Variants in SEZ6L observed in about 807,000 individuals in gnomAD.
SEZ6L encodes the protein seizure related 6 homolog like, also known as seizure 6-like protein.
A neutral mutation model predicts 106.2 loss-of-function variants in SEZ6L; 37 were observed. That is an observed-to-expected ratio of 0.35 (90% CI 0.27 to 0.46). SEZ6L has a LOEUF of 0.46. Ranked by LOEUF, SEZ6L falls within the 20% of genes least tolerant of loss-of-function variation. The pLI is 1.00. For synonymous variants in SEZ6L, 541 were observed against 570.4 expected, an observed-to-expected ratio of 0.95 and a Z score of 0.73; for missense variants, 1,172 against 1,332.8, an observed-to-expected ratio of 0.88 and a Z score of 1.88.
intron 1 of SEZ6L, among the ~76,000 whole-genome samples, chr22:26,249,105 C>T (rs1343250997): frequency 1.3e-5 from 2 of 152,136 alleles, no homozygotes; most frequent in African/African-American, 2.4e-5. Context: ...AATACGTGTA[C>T]ACAAATGATC....
chr22:26,378,828 T>G (rs1244947766), intron 16 of SEZ6L, among the ~76,000 whole-genome samples: 1 of 152,208 alleles, frequency 6.6e-6, no homozygotes, highest in African/African-American at 2.4e-5. Context: ...GGAATAAACC[T>G]GACTTGTTTC....
chr22:26,349,822 T>C (rs1310208387), intron 11 of SEZ6L, among the ~76,000 whole-genome samples: 1 of 152,252 alleles, frequency 6.6e-6, no homozygotes, highest in Admixed American at 6.5e-5. Flanking sequence ...CTGCTTTTTT[T>C]TCAGCTCAGA....
At chr22:26,369,489 C>A (rs551102945) in intron 13 of SEZ6L, among the ~76,000 whole-genome samples, 1 of 151,374 alleles carries the variant, frequency 6.6e-6, no homozygotes, top group Non-Finnish European at 1.5e-5. Context: ...TACAGGCGCC[C>A]GCCACCACAC....
chr22:26,313,161 G>T (rs1171798275), intron 8 of SEZ6L, among the ~76,000 whole-genome samples: 1 of 152,208 alleles, frequency 6.6e-6, no homozygotes, highest in Non-Finnish European at 1.5e-5. Flanking sequence ...TCCAGTTCAG[G>T]GCCGGGACCT....
At chr22:26,220,892 A>AATGGATGG (rs56187164) in intron 1 of SEZ6L, among the ~76,000 whole-genome samples, 7,867 of 149,332 alleles carry the variant, frequency 0.053, 303 homozygotes, top group East Asian at 0.15. Flanking sequence ...ATACTGTATG[A>AATGGATGG]ATGGATGGAT....
rs1467959376 is a variant in SEZ6L at position 26,351,125 on chromosome 22, G to T, written c.2481G>T (p.Gly827=). Residue 827 remains glycine, a synonymous_variant, in exon 12 of 17, where the codon GGG becomes GGT. Transcript: ENST00000248933. Reference sequence around the variant, plus strand: ...TTTCGGATCCTGTGCTGCTGGTGGGGACCACCATCCAATACACCTGCAACC... The same window carrying T: ...TTTCGGATCCTGTGCTGCTGGTGGGTACCACCATCCAATACACCTGCAACC... The part of the protein sequence containing the change: ...RLISDPVLLV[G]TTIQYTCNPG... 4 of 1,614,166 alleles carry T rather than the reference G, an allele frequency of 2.5e-6. No individual in the cohort carries two copies. Among genetic ancestry groups the T allele is most frequent in the Non-Finnish European group, 3.4e-6 (4 of 1,180,018 alleles).
chr22:26,341,787 A>G (rs1013771657), intron 10 of SEZ6L, among the ~76,000 whole-genome samples: 1 of 151,952 alleles, frequency 6.6e-6, no homozygotes, highest in Non-Finnish European at 1.5e-5. Context: ...CCCATATCCA[A>G]TCCATCCTCT....
At chr22:26,348,021 C>T in intron 11 of SEZ6L, 108 bp downstream of exon 11, 1 of 811,516 alleles carries the variant, frequency 1.2e-6, no homozygotes, top group Admixed American at 3.4e-5. Context: ...ATCTGGACTC[C>T]CCCTCCACCA....
intron 1 of SEZ6L, among the ~76,000 whole-genome samples, chr22:26,257,315 C>T (rs2145809185): frequency 6.6e-6 from 1 of 152,248 alleles, no homozygotes; most frequent in East Asian, 1.9e-4. Flanking sequence ...TTCCTATAAG[C>T]TTATAGATGA....
intron 1 of SEZ6L, among the ~76,000 whole-genome samples, chr22:26,200,365 A>G (rs554418716): frequency 4.6e-5 from 7 of 152,272 alleles, no homozygotes; most frequent in African/African-American, 1.7e-4. Flanking sequence ...CTGACTATGC[A>G]CCAGGCTTGG....
chr22:26,371,788 C>T (rs1376335535), intron 13 of SEZ6L, among the ~76,000 whole-genome samples: 1 of 152,210 alleles, frequency 6.6e-6, no homozygotes, highest in African/African-American at 2.4e-5. Context: ...TCACTGCCTT[C>T]TCCCACAACT....
chr22:26,237,465 C>T (rs1161480972), intron 1 of SEZ6L, among the ~76,000 whole-genome samples: 2 of 152,230 alleles, frequency 1.3e-5, no homozygotes, highest in Non-Finnish European at 2.9e-5. Flanking sequence ...TATTTCACCT[C>T]TCTGTGCCTC....
At chr22:26,347,600 C>T (rs2083050995) in intron 10 of SEZ6L, 119 bp from the exon 11 acceptor site, 1 of 746,200 alleles carries the variant, frequency 1.3e-6, no homozygotes, top group Non-Finnish European at 2.0e-6. Context: ...ATTTTGGAAG[C>T]GTGTTGCTCA....
intron 15 of SEZ6L, among the ~76,000 whole-genome samples, chr22:26,376,876 T>A (rs992481246): frequency 2.6e-5 from 4 of 152,184 alleles, no homozygotes; most frequent in Non-Finnish European, 5.9e-5. Context: ...GAGCCCACAG[T>A]CTACTGGGGG....
At position 26,311,848 on chromosome 22, in the gene SEZ6L, A is replaced by G. The variant is rs1369116780; in HGVS notation, c.1762A>G (p.Thr588Ala). 1 of 1,614,118 alleles carries G rather than the reference A, an allele frequency of 6.2e-7. No homozygotes were observed. Among genetic ancestry groups the G allele is most frequent in the Non-Finnish European group, 8.5e-7 (1 of 1,180,008 alleles). The change falls in exon 8 of 17, where the codon ACT becomes GCT. Residue 588 changes from threonine to alanine, a missense_variant. By Grantham distance (58) the Thr-to-Ala change is moderately conservative. Coordinates refer to ENST00000248933, the MANE Select transcript of SEZ6L (RefSeq NM_021115.5). The stretch of plus-strand genomic sequence containing the variant: ...ATCCGACCCGACCTATAACATTGGG[A>G]CTATAGTGGAGTTCACCTGCGACCC... ...TTSDPTYNIG[T>A]IVEFTCDPGH...
At chr22:26,310,534 C>CAA (rs35444510) in intron 6 of SEZ6L, 136 bp from the exon 7 acceptor site, 1,076 of 897,258 alleles carry the variant, frequency 1.2e-3, no homozygotes, top group African/African-American at 1.6e-3. Context: ...GAAACTCTGT[C>CAA]AAAAAAAAAG....
chr22:26,279,476 G>C (rs1326733945), intron 1 of SEZ6L, among the ~76,000 whole-genome samples: 1 of 152,082 alleles, frequency 6.6e-6, no homozygotes, highest in African/African-American at 2.4e-5. Context: ...TGCCTTTCCT[G>C]TCTCACTGCC....
At chr22:26,296,616 C>CA (rs1260969127) in intron 3 of SEZ6L, among the ~76,000 whole-genome samples, 3 of 152,234 alleles carry the variant, frequency 2.0e-5, no homozygotes, top group Admixed American at 6.5e-5. Flanking sequence ...GCCCCTCTTA[C>CA]AGGACACAGC....
chr22:26,351,528 T>G lies in SEZ6L; in HGVS notation c.2599+285T>G, dbSNP rs1239268635. On this transcript the variant is annotated intron_variant, in intron 12 of 16. Transcript: ENST00000248933. ...TACTTTGTTTTTTTGTTTGTTTGTT[T>G]GTTTGTTTGTTTGTTTGTTGGTTGG... is the stretch of plus-strand genomic sequence containing the variant. The G allele has an allele frequency of 6.5e-5, 15 of 230,292 alleles. No homozygotes were observed. In the South Asian group the frequency reaches 1.2e-3, roughly 18 times the overall value. 14.3% of individuals were successfully genotyped at this position (230,292 alleles called of 1,614,324 possible).
Sources: allele counts gnomAD v4.1 joint callset (sites outside exome capture counted in the v4.1 genomes callset), GRCh38; gene constraint gnomAD v4.1.1; transcripts MANE v1.5; gene names NCBI Gene and HGNC (gene_info 2026-07-23, HGNC 2026-07-21).